SH3GL3: variants seen among roughly 807,000 people sequenced by gnomAD.
SH3GL3 encodes SH3 domain containing GRB2 like 3, endophilin A3.
A neutral mutation model predicts 47.7 loss-of-function variants in SH3GL3; 33 were observed. The ratio of observed to expected loss-of-function variants is 0.69; its 90% CI spans 0.52 to 0.92. SH3GL3 has a LOEUF of 0.92. Among genes scored for constraint, SH3GL3 ranks in the 40% least tolerant of loss-of-function variants. The pLI is 0.00. For missense variants in SH3GL3, 363 were observed against 417.8 expected (o/e 0.87, Z 1.14); for synonymous variants, 155 against 148.8 (o/e 1.04, Z -0.30).
chr15:83,541,468 G>A (rs2044165591), intron 1 of SH3GL3, among the ~76,000 whole-genome samples: 1 of 151,344 alleles, frequency 6.6e-6, no homozygotes, highest in African/African-American at 2.4e-5. Flanking sequence ...CGAGTAGCTG[G>A]GACTACAGGC....
At chr15:83,479,952 T>G (rs995130050) in intron 1 of SH3GL3, among the ~76,000 whole-genome samples, 1 of 152,262 alleles carries the variant, frequency 6.6e-6, no homozygotes, top group African/African-American at 2.4e-5. Context: ...CTTGGTAGAA[T>G]GCTTGCCATG....
intron 1 of SH3GL3, among the ~76,000 whole-genome samples, chr15:83,486,280 T>A (rs2041593088): frequency 6.6e-6 from 1 of 152,218 alleles, no homozygotes; most frequent in Non-Finnish European, 1.5e-5. Context: ...CATTTTAAGA[T>A]GAATAATTCA....
the SH3GL3 span, among the ~76,000 whole-genome samples, chr15:83,627,123 G>A: frequency 5.3e-3 from 802 of 152,146 alleles, 5 homozygotes; most frequent in African/African-American, 0.018. Context: ...GGGGCTGGGC[G>A]CGGTGGCTCA....
intron 1 of SH3GL3, among the ~76,000 whole-genome samples, chr15:83,478,536 C>G (rs1221282292): frequency 1.3e-5 from 2 of 152,194 alleles, no homozygotes; most frequent in African/African-American, 4.8e-5. Context: ...TAATGTTGTG[C>G]TGAAGCTTAG....
At chr15:83,521,684 C>A (rs2151652988) in intron 1 of SH3GL3, among the ~76,000 whole-genome samples, 1 of 152,240 alleles carries the variant, frequency 6.6e-6, no homozygotes, top group Non-Finnish European at 1.5e-5. Flanking sequence ...AGACAATAGG[C>A]AAATAACCAG....
chr15:83,519,353 G>A (rs761367322), intron 1 of SH3GL3, among the ~76,000 whole-genome samples: 7 of 152,154 alleles, frequency 4.6e-5, no homozygotes, highest in Admixed American at 1.3e-4. Context: ...TTTCAGCAGC[G>A]TTTTGTACTT....
At chr15:83,523,606 G>T (rs571405450) in intron 1 of SH3GL3, among the ~76,000 whole-genome samples, 134 of 152,336 alleles carry the variant, frequency 8.8e-4, no homozygotes, top group African/African-American at 3.1e-3. Context: ...CTGAGGCTGA[G>T]ATTGGGGAGC....
At chr15:83,498,038 GT>G (rs142950066) in intron 1 of SH3GL3, among the ~76,000 whole-genome samples, 2,809 of 152,260 alleles carry the variant, frequency 0.018, 75 homozygotes, top group African/African-American at 0.061. Context: ...CTCAGTTGAT[GT>G]TTTGTGTATG....
intron 1 of SH3GL3, among the ~76,000 whole-genome samples, chr15:83,487,323 GTTC>G (rs1385675717): frequency 6.7e-6 from 1 of 149,802 alleles, no homozygotes; most frequent in Non-Finnish European, 1.5e-5. Flanking sequence ...GTTTCCTCTT[GTTC>G]TTCTTCAGTA....
chr15:83,620,551 T>C (rs1325177277), downstream of SH3GL3, among the ~76,000 whole-genome samples: 1 of 152,208 alleles, frequency 6.6e-6, no homozygotes, highest in Non-Finnish European at 1.5e-5. Flanking sequence ...AGCAGAGATA[T>C]TGTGAAAGGA....
In SH3GL3 at chr15:83,592,165, G is replaced by A. The variant is rs538040745; in HGVS notation, c.838+3394G>A. Among the ~76,000 whole-genome samples the A allele has an allele frequency of 3.3e-4, 50 of 152,226 alleles. No homozygotes were observed. The East Asian group carries it at 3.9e-3, about 12-fold the overall frequency. The stretch of plus-strand genomic sequence containing the variant: ...TTTCTTTTTTTACTCTGATTCTTCA[G>A]TTTGGATAAATGTATTGATTTCCTG... On this transcript the variant is annotated intron_variant, in intron 8 of 8. Coordinates refer to ENST00000427482, the MANE Select transcript of SH3GL3 (RefSeq NM_003027.5).
chr15:83,623,247 G>C (rs939319658), downstream of SH3GL3, among the ~76,000 whole-genome samples: 2 of 152,174 alleles, frequency 1.3e-5, no homozygotes, highest in African/African-American at 4.8e-5. Context: ...CTGTGTAAAA[G>C]CCACCCCCCA....
chr15:83,480,978 A>G (rs1232120195), intron 1 of SH3GL3, among the ~76,000 whole-genome samples: 5 of 152,050 alleles, frequency 3.3e-5, no homozygotes, highest in Admixed American at 6.6e-5. Context: ...TTTTTGGATT[A>G]AGAGAAATAA....
chr15:83,512,317 A>T (rs2151632269), intron 1 of SH3GL3, among the ~76,000 whole-genome samples: 1 of 152,098 alleles, frequency 6.6e-6, no homozygotes, highest in South Asian at 2.1e-4. Flanking sequence ...TGTGCTTAAT[A>T]CTCTTTTCAT....
chr15:83,588,111 T>G (rs1167543466), intron 7 of SH3GL3, among the ~76,000 whole-genome samples: 1 of 152,058 alleles, frequency 6.6e-6, no homozygotes, highest in Non-Finnish European at 1.5e-5. Flanking sequence ...AATTAGTCTT[T>G]TGTTTTGTTT....
At chr15:83,582,669 A>T (rs1020302669) in intron 6 of SH3GL3, among the ~76,000 whole-genome samples, 1 of 152,184 alleles carries the variant, frequency 6.6e-6, no homozygotes, top group Admixed American at 6.5e-5. Context: ...TCAGGACTGT[A>T]ATGTGTGGAA....
intron 2 of SH3GL3, among the ~76,000 whole-genome samples, chr15:83,562,841 T>C (rs572977880): frequency 1.3e-5 from 2 of 152,318 alleles, no homozygotes; most frequent in Admixed American, 1.3e-4. Flanking sequence ...CAGATTCTCT[T>C]AAACATTTCA....
chr15:83,613,634 T>C (rs1389541136), intron 8 of SH3GL3, among the ~76,000 whole-genome samples: 2 of 145,822 alleles, frequency 1.4e-5, no homozygotes, highest in African/African-American at 5.3e-5. Flanking sequence ...TATCTATCTA[T>C]CTATCTATCT....
chr15:83,574,900 C>T (rs778071158), intron 5 of SH3GL3, among the ~76,000 whole-genome samples: 5 of 152,206 alleles, frequency 3.3e-5, no homozygotes, highest in Non-Finnish European at 7.3e-5. Flanking sequence ...CGCTAGACTT[C>T]GTGGGGTATC....
Sources: allele counts gnomAD v4.1 joint callset (sites outside exome capture counted in the v4.1 genomes callset), GRCh38; gene constraint gnomAD v4.1.1; transcripts MANE v1.5; gene names NCBI Gene and HGNC (gene_info 2026-07-23, HGNC 2026-07-21).